The following CSNK1G1 variants were observed in gnomAD, a reference collection of about 807,000 sequenced individuals.
CSNK1G1 encodes the protein casein kinase I isoform gamma-1.
In CSNK1G1, 22 loss-of-function variants were observed where a neutral mutation model predicts 59.6. That is an observed-to-expected ratio of 0.37 (90% confidence interval 0.26 to 0.53). CSNK1G1 has a LOEUF of 0.53. Ranked by LOEUF, CSNK1G1 falls within the 20% of genes least tolerant of loss-of-function variation. The pLI, the probability that CSNK1G1 is intolerant of heterozygous loss-of-function variation, is 0.89. For synonymous variants in CSNK1G1, 179 were observed against 177.1 expected, an observed-to-expected ratio of 1.01 and a Z score of -0.08; for missense variants, 384 against 519.5, an observed-to-expected ratio of 0.74 and a Z score of 2.54.
Position 64,203,694 on chromosome 15 carries a change from T to TAAAAA in CSNK1G1, c.1000-510_1000-506dup, listed in dbSNP as rs531367701. Among the ~76,000 whole-genome samples, 212 of 56,164 alleles carry TAAAAA rather than the reference T, an allele frequency of 3.8e-3. 7 individuals carry two copies. Among genetic ancestry groups the TAAAAA allele is most frequent in the African/African-American group, 0.016 (201 of 12,942 alleles). The allele number at this position is 56,164 out of a possible 152,430, so 36.8% of individuals were successfully genotyped here. A position where few individuals can be genotyped will look rare whatever the true frequency, so the allele number is the denominator to read the frequency against. On this transcript the variant is annotated intron_variant, in intron 9 of 11. Transcript: ENST00000303052. ...CCTGGGCAACAAGAGTGAAACTCCG[T>TAAAAA]AAAAAAAAAAAAAAAAAAAAAAAAA...
chr15:64,243,537 G>A (rs1203985888), intron 4 of CSNK1G1, among the ~76,000 whole-genome samples: 1 of 152,020 alleles, frequency 6.6e-6, no homozygotes, highest in African/African-American at 2.4e-5. Flanking sequence ...AGTACTAGAA[G>A]TACTATCCAG....
At chr15:64,335,488 C>T (rs1191459821) in intron 1 of CSNK1G1, among the ~76,000 whole-genome samples, 2 of 152,118 alleles carry the variant, frequency 1.3e-5, no homozygotes, top group Non-Finnish European at 2.9e-5. Flanking sequence ...TATAGAAACA[C>T]AAAAAGGCAG....
chr15:64,347,772 C>T (rs769837715), intron 1 of CSNK1G1, among the ~76,000 whole-genome samples: 2 of 152,108 alleles, frequency 1.3e-5, no homozygotes, highest in South Asian at 4.2e-4. Context: ...CTTTGGGAGG[C>T]TGAGGCGAGC....
intron 2 of CSNK1G1, among the ~76,000 whole-genome samples, chr15:64,284,490 T>C (rs1299077037): frequency 6.6e-6 from 1 of 152,194 alleles, no homozygotes; most frequent in Non-Finnish European, 1.5e-5. Flanking sequence ...AAATTCCCTA[T>C]GACAATACTT....
chr15:64,201,705 C>CGTGT lies in CSNK1G1; in HGVS notation c.1107+1376_1107+1377insACAC, dbSNP rs1567370144. ...ATATTTGTGGGTGTACTCCATTGGA[C>CGTGT]ATGTGTGTGTGTGTGTGTGTGTGTG... On this transcript the variant is annotated intron_variant, in intron 10 of 11. Coordinates refer to ENST00000303052, the MANE Select transcript of CSNK1G1 (RefSeq NM_022048.5). Among the ~76,000 whole-genome samples, 261 of 104,226 alleles carry CGTGT rather than the reference C, an allele frequency of 2.5e-3. 2 individuals are homozygous for CGTGT. Among genetic ancestry groups the CGTGT allele is most frequent in the African/African-American group, 8.8e-3 (253 of 28,734 alleles). The allele number at this position is 104,226 out of a possible 152,430, so 68.4% of individuals were successfully genotyped here. A position where few individuals can be genotyped will look rare whatever the true frequency, so the allele number is the denominator to read the frequency against.
At chr15:64,254,376 G>A (rs573895391) in intron 3 of CSNK1G1, among the ~76,000 whole-genome samples, 2 of 144,342 alleles carry the variant, frequency 1.4e-5, no homozygotes, top group Admixed American at 1.4e-4. Context: ...TTTTTGAGAC[G>A]GAGTTTCACT....
chr15:64,335,142 C>CTTAG (rs999446480), intron 1 of CSNK1G1, among the ~76,000 whole-genome samples: 1 of 152,106 alleles, frequency 6.6e-6, no homozygotes, highest in African/African-American at 2.4e-5. Flanking sequence ...AGAAGGGTAG[C>CTTAG]CTAATACATG....
intron 1 of CSNK1G1, among the ~76,000 whole-genome samples, chr15:64,323,389 G>A (rs1896667496): frequency 6.6e-6 from 1 of 150,674 alleles, no homozygotes; most frequent in African/African-American, 2.4e-5. Context: ...CTTTGAGACA[G>A]AGTTTCACTT....
intron 4 of CSNK1G1, among the ~76,000 whole-genome samples, chr15:64,230,633 C>T (rs149661249): frequency 9.1e-4 from 139 of 152,186 alleles, no homozygotes; most frequent in Non-Finnish European, 1.7e-3. Context: ...ACATTTAGCA[C>T]GACAGTCCCC....
At chr15:64,298,252 T>C (rs750495378) in intron 2 of CSNK1G1, among the ~76,000 whole-genome samples, 14 of 152,230 alleles carry the variant, frequency 9.2e-5, no homozygotes, top group Non-Finnish European at 1.3e-4. Context: ...CACCAAGGTT[T>C]TTCTTCACTT....
chr15:64,207,772 C>T (rs1220375367), intron 6 of CSNK1G1, among the ~76,000 whole-genome samples, 178 bp from the exon 7 acceptor site: 2 of 152,152 alleles, frequency 1.3e-5, no homozygotes, highest in Non-Finnish European at 2.9e-5. Flanking sequence ...TGTGTACTTC[C>T]TTTGCCTAGA....
Position 64,166,558 on chromosome 15 carries a change from A to C in CSNK1G1, c.*5373T>G, listed in dbSNP as rs984643769. Reference sequence around the variant, plus strand: ...CACACGCACTCACGTGCGCACACACACCACACACACACACAGACACGCAGT... The same window carrying C: ...CACACGCACTCACGTGCGCACACACCCCACACACACACACAGACACGCAGT... On this transcript the variant is annotated 3_prime_UTR_variant, in exon 12 of 12. Transcript: ENST00000303052. The surrounding 1 kb of genome is among the most constrained non-coding windows in gnomAD (Gnocchi z 4.5). 2 of 152,670 alleles carry C rather than the reference A, an allele frequency of 1.3e-5. No individual in the cohort carries two copies. The highest frequency in any genetic ancestry group is 1.9e-4 in the East Asian group (1 of 5,194). The allele number at this position is 152,670 out of a possible 1,614,324, so 9.5% of individuals were successfully genotyped here. A position where few individuals can be genotyped will look rare whatever the true frequency, so the allele number is the denominator to read the frequency against.
chr15:64,235,597 C>T (rs565206204), intron 4 of CSNK1G1, among the ~76,000 whole-genome samples: 2 of 152,000 alleles, frequency 1.3e-5, no homozygotes, highest in Non-Finnish European at 2.9e-5. Context: ...ATAGCAGAAG[C>T]AGAAAGAGTC....
At chr15:64,183,094 T>A (rs1360957097) in intron 10 of CSNK1G1, among the ~76,000 whole-genome samples, 1 of 152,218 alleles carries the variant, frequency 6.6e-6, no homozygotes, top group East Asian at 1.9e-4. Context: ...AAATAAAATG[T>A]CTTGGCTTCT....
chr15:64,272,540 G>C (rs1491000445), intron 2 of CSNK1G1, among the ~76,000 whole-genome samples: 1 of 151,936 alleles, frequency 6.6e-6, no homozygotes, highest in Non-Finnish European at 1.5e-5. Flanking sequence ...TTTAAATGGG[G>C]GTATTTAGCC....
At chr15:64,264,418 T>C (rs1248025796) in intron 2 of CSNK1G1, among the ~76,000 whole-genome samples, 1 of 152,142 alleles carries the variant, frequency 6.6e-6, no homozygotes, top group Non-Finnish European at 1.5e-5. Flanking sequence ...CAGGACCTGA[T>C]GGCTTCACTG....
intron 1 of CSNK1G1, among the ~76,000 whole-genome samples, chr15:64,324,186 C>G (rs1896718744): frequency 6.6e-6 from 1 of 152,180 alleles, no homozygotes; most frequent in Non-Finnish European, 1.5e-5. Flanking sequence ...TTACCCAAAC[C>G]TATAAATACC....
intron 1 of CSNK1G1, chr15:64,316,955 T>C (rs950243237): frequency 6.6e-6 from 1 of 152,150 alleles, no homozygotes; most frequent in Non-Finnish European, 1.5e-5. Flanking sequence ...AGAGCTTGGT[T>C]TTTTGAGACC....
chr15:64,353,418 G>C (rs576719197), intron 1 of CSNK1G1, among the ~76,000 whole-genome samples: 1 of 151,678 alleles, frequency 6.6e-6, no homozygotes, highest in South Asian at 2.1e-4. Flanking sequence ...AGGCTGAGGC[G>C]GGTGGATCAC....
Sources: gnomAD v4.1 joint callset for allele counts (sites outside exome capture counted in the v4.1 genomes callset) on GRCh38, gnomAD v4.1.1 for gene constraint, Gnocchi (gnomAD v3.1) non-coding constraint, MANE v1.5 for transcripts, NCBI Gene and HGNC (gene_info 2026-07-23, HGNC 2026-07-21) for gene names.